Variants in CHRM3 observed in about 807,000 individuals in gnomAD.
CHRM3 encodes muscarinic acetylcholine receptor M3.
A neutral mutation model predicts 41.8 loss-of-function variants in CHRM3; 11 were observed. The ratio of observed to expected loss-of-function variants is 0.26; its 90% CI spans 0.17 to 0.44. The LOEUF (loss-of-function observed/expected upper bound fraction) is 0.44, where lower values mean the gene tolerates loss of function less well. CHRM3 is among the 20% of genes least tolerant of loss of function. CHRM3 has a pLI of 1.00. For synonymous variants in CHRM3, 297 were observed against 301.4 expected (o/e 0.99, Z 0.15); for missense variants, 571 against 745.4 (o/e 0.77, Z 2.72).
chr1:239,751,523 G>T (rs1665826266), intron 5 of CHRM3, among the ~76,000 whole-genome samples: 1 of 152,074 alleles, frequency 6.6e-6, no homozygotes, highest in African/African-American at 2.4e-5. Flanking sequence ...AATGCCCATT[G>T]GGCACCTAAA....
chr1:239,861,904 T>G (rs191149649), intron 6 of CHRM3, among the ~76,000 whole-genome samples: 2 of 152,292 alleles, frequency 1.3e-5, no homozygotes, highest in African/African-American at 4.8e-5. Flanking sequence ...TTTGAAGAGA[T>G]AAACAAATTT....
At chr1:239,421,719 A>G (rs956627768) in intron 1 of CHRM3, among the ~76,000 whole-genome samples, 1 of 152,306 alleles carries the variant, frequency 6.6e-6, no homozygotes, top group East Asian at 1.9e-4. Context: ...TATTCCAACC[A>G]TCAGGGTGAA....
chr1:239,867,191 T>C (rs768662325), intron 6 of CHRM3, among the ~76,000 whole-genome samples: 2 of 152,256 alleles, frequency 1.3e-5, no homozygotes, highest in Admixed American at 6.5e-5. Flanking sequence ...AATTATAAAA[T>C]AATTAAATAG....
At chr1:239,869,254 C>G (rs1676374193) in intron 6 of CHRM3, among the ~76,000 whole-genome samples, 2 of 152,146 alleles carry the variant, frequency 1.3e-5, no homozygotes, top group Admixed American at 1.3e-4. Context: ...CTGAAGGCAT[C>G]AGGAGTTCTT....
intron 5 of CHRM3, among the ~76,000 whole-genome samples, chr1:239,751,905 T>G (rs1378803953): frequency 6.6e-6 from 1 of 152,144 alleles, no homozygotes; most frequent in Admixed American, 6.5e-5. Flanking sequence ...TAAAGGCATG[T>G]GAGAAGACAC....
At chr1:239,900,736 C>T (rs993622017) in intron 6 of CHRM3, among the ~76,000 whole-genome samples, 1 of 152,058 alleles carries the variant, frequency 6.6e-6, no homozygotes, top group Non-Finnish European at 1.5e-5. Context: ...GCAAGAAAGG[C>T]CCCTACAGCA....
intron 3 of CHRM3, among the ~76,000 whole-genome samples, chr1:239,610,019 C>T (rs1393210383): frequency 2.6e-5 from 4 of 151,638 alleles, no homozygotes; most frequent in East Asian, 2.0e-4. Flanking sequence ...GGTGAAACCC[C>T]GTCTCTACTA....
chr1:239,899,487 C>A (rs1397876574), intron 6 of CHRM3, among the ~76,000 whole-genome samples: 1 of 113,868 alleles, frequency 8.8e-6, no homozygotes, highest in Non-Finnish European at 1.7e-5. Context: ...TATATATACT[C>A]ACACACATGT....
intron 5 of CHRM3, among the ~76,000 whole-genome samples, chr1:239,764,936 C>T (rs987075374): frequency 5.0e-4 from 76 of 152,328 alleles, no homozygotes; most frequent in African/African-American, 1.8e-3. Context: ...TGACTGGCCT[C>T]CACTGAGGTG....
rs187225732 is a variant in CHRM3, at chr1:239,632,665, T to C, written c.-250+379T>C. On this transcript the variant is annotated intron_variant, in intron 4 of 6. Coordinates refer to ENST00000676153, the MANE Select transcript of CHRM3 (RefSeq NM_001375978.1). Reference sequence around the variant, plus strand: ...GAAGCTTAAGAATTATCCCTGGATTTAGATTGCCCTTCTTCAGAATGCTGT... The same window carrying C: ...GAAGCTTAAGAATTATCCCTGGATTCAGATTGCCCTTCTTCAGAATGCTGT... Among the ~76,000 whole-genome samples the C allele has an allele frequency of 5.9e-5, 9 of 152,352 alleles. No homozygotes were observed. In the East Asian group the frequency reaches 1.7e-3, roughly 29 times the overall value.
At chr1:239,710,816 C>T (rs889368753) in intron 5 of CHRM3, among the ~76,000 whole-genome samples, 4 of 151,776 alleles carry the variant, frequency 2.6e-5, no homozygotes, top group Non-Finnish European at 5.9e-5. Context: ...TTGACCACTC[C>T]TCAACCATGT....
Position 239,845,132 on chromosome 1 carries a change from G to A in CHRM3, c.-20+17754G>A, listed in dbSNP as rs549424676. The stretch of plus-strand genomic sequence containing the variant: ...TAAATTTTCCATTACACTCTACTTA[G>A]TAACAATGTAAAAAAGTTACACAAT... On this transcript the variant is annotated intron_variant, in intron 6 of 6. Coordinates refer to ENST00000676153, the MANE Select transcript of CHRM3 (RefSeq NM_001375978.1). Among the ~76,000 whole-genome samples the A allele has an allele frequency of 3.3e-4, 50 of 152,236 alleles. 1 individual carries two copies. The South Asian group carries it at 9.8e-3, about 30-fold the overall frequency.
intron 5 of CHRM3, among the ~76,000 whole-genome samples, chr1:239,711,843 C>T (rs1661827605): frequency 1.3e-5 from 2 of 152,058 alleles, no homozygotes; most frequent in South Asian, 2.1e-4. Context: ...CACGCACCAC[C>T]ATACTCTGCT....
intron 5 of CHRM3, among the ~76,000 whole-genome samples, chr1:239,699,277 G>A (rs1419035995): frequency 6.6e-6 from 1 of 152,034 alleles, no homozygotes; most frequent in Non-Finnish European, 1.5e-5. Context: ...CCAGTGTGAT[G>A]GTATTTGGAG....
At chr1:239,644,222 G>T (rs549150078) in intron 4 of CHRM3, among the ~76,000 whole-genome samples, 1 of 152,254 alleles carries the variant, frequency 6.6e-6, no homozygotes, top group African/African-American at 2.4e-5. Context: ...CATATCAGCT[G>T]CAAATGGACA....
chr1:239,684,001 T>C (rs1658826539), intron 5 of CHRM3, among the ~76,000 whole-genome samples: 1 of 152,242 alleles, frequency 6.6e-6, no homozygotes, highest in African/African-American at 2.4e-5. Flanking sequence ...GAAGTTAAAT[T>C]ACATTCTCCA....
At chr1:239,496,510 A>AGTGTGTGTGTGTGT (rs71166874) in intron 2 of CHRM3, among the ~76,000 whole-genome samples, 1 of 144,982 alleles carries the variant, frequency 6.9e-6, no homozygotes, top group Non-Finnish European at 1.5e-5. Flanking sequence ...TAGTAATTCT[A>AGTGTGTGTGTGTGT]GTGTGTGTGT....
At chr1:239,645,630 G>T (rs561433000) in intron 4 of CHRM3, among the ~76,000 whole-genome samples, 2 of 152,068 alleles carry the variant, frequency 1.3e-5, no homozygotes, top group Non-Finnish European at 1.5e-5. Flanking sequence ...CAAACACAAC[G>T]CAGAAAAGCT....
At chr1:239,435,947 T>C (rs910383167) in intron 1 of CHRM3, among the ~76,000 whole-genome samples, 1 of 152,088 alleles carries the variant, frequency 6.6e-6, no homozygotes, top group African/African-American at 2.4e-5. Context: ...ATGGAAAACG[T>C]TTCTTTGGGG....
Sources: gnomAD v4.1 joint callset for allele counts (sites outside exome capture counted in the v4.1 genomes callset) on GRCh38, gnomAD v4.1.1 for gene constraint, MANE v1.5 for transcripts, NCBI Gene and HGNC (gene_info 2026-07-23, HGNC 2026-07-21) for gene names.